The following PRSS23 variants were observed in gnomAD, a reference collection of about 807,000 sequenced individuals.
PRSS23 encodes protease, serine 23.
A neutral mutation model predicts 34.7 loss-of-function variants in PRSS23; 25 were observed. The ratio of observed to expected loss-of-function variants is 0.72; its 90% CI spans 0.53 to 1.01. The LOEUF (loss-of-function observed/expected upper bound fraction) is 1.01. Ranked by LOEUF, PRSS23 falls within the 50% of genes least tolerant of loss-of-function variation. The pLI is 0.00. For synonymous variants in PRSS23, 176 were observed against 186.6 expected, an observed-to-expected ratio of 0.94 and a Z score of 0.46; for missense variants, 445 against 475.6, an observed-to-expected ratio of 0.94 and a Z score of 0.60.
At chr11:86,845,150 G>C (rs1948477324) in intron 2 of PRSS23, among the ~76,000 whole-genome samples, 1 of 150,862 alleles carries the variant, frequency 6.6e-6, no homozygotes, top group South Asian at 2.1e-4. Flanking sequence ...CAATTTTTGT[G>C]AACCAAGGAA....
rs535191620 is a variant in PRSS23 at position 86,854,910 on chromosome 11, T to C, written c.206+31317T>C. 4.7e-4 allele frequency among the ~76,000 whole-genome samples: 71 copies of C among 152,266 alleles called. 1 individual carries two copies. In the South Asian group the frequency reaches 0.013, roughly 28 times the overall value. On this transcript the variant is annotated intron_variant, in intron 2 of 2. Coordinates refer to the PRSS23 transcript ENST00000533902. ...GGCCAGGTGCGGTTGCTCACGCCTG[T>C]AATCCCAGCACTTTGAGAGGCCGAG...
In PRSS23 at chr11:86,825,664, G is replaced by A. The variant is rs1233098369; in HGVS notation, c.206+2071G>A. ...TCTTGAATTGATTTTTGTATAAGGT[G>A]TAAGGAAGGGATCCAGTTTCAGCTT... On this transcript the variant is annotated intron_variant, in intron 2 of 2. Coordinates refer to the PRSS23 transcript ENST00000533902. Among the ~76,000 whole-genome samples the A allele has an allele frequency of 3.6e-4, 55 of 151,816 alleles. 1 individual carries two copies. Among genetic ancestry groups the A allele is most frequent in the Non-Finnish European group, 1.5e-5 (1 of 67,952 alleles).
intron 2 of PRSS23, among the ~76,000 whole-genome samples, chr11:86,899,814 C>A (rs1178471936): frequency 2.0e-5 from 3 of 149,092 alleles, no homozygotes; most frequent in Non-Finnish European, 4.4e-5. Flanking sequence ...CCAAGTCCGG[C>A]CGCGAGACCC....
intron 2 of PRSS23, among the ~76,000 whole-genome samples, chr11:86,889,412 A>G (rs1948826452): frequency 6.6e-6 from 1 of 152,206 alleles, no homozygotes; most frequent in South Asian, 2.1e-4. Flanking sequence ...GTCCAAAATC[A>G]AGGCATTAGC....
chr11:86,873,254 A>ATG (rs1405840552), intron 2 of PRSS23, among the ~76,000 whole-genome samples: 1,382 of 104,538 alleles, frequency 0.013, 30 homozygotes, highest in African/African-American at 0.059. Flanking sequence ...ACACATATAT[A>ATG]TGTATATATA....
intron 2 of PRSS23, among the ~76,000 whole-genome samples, chr11:86,876,409 C>T (rs754002260): frequency 1.2e-4 from 18 of 152,202 alleles, no homozygotes; most frequent in Non-Finnish European, 1.9e-4. Context: ...CCATTATTGC[C>T]TCAGTTTCCT....
At chr11:86,886,770 C>T (rs1462285791) in intron 2 of PRSS23, among the ~76,000 whole-genome samples, 2 of 152,060 alleles carry the variant, frequency 1.3e-5, no homozygotes, top group African/African-American at 4.8e-5. Context: ...AAAACCCCAT[C>T]TTTACTAAAA....
rs1344504714 is a variant in PRSS23, at chr11:86,882,951, C to T, written c.206+59358C>T. Among the ~76,000 whole-genome samples the T allele has an allele frequency of 2.0e-5, 3 of 152,174 alleles. No homozygotes were observed. The East Asian group carries it at 5.8e-4, about 29-fold the overall frequency. Reference sequence around the variant, plus strand: ...TTTTGGTTTGCATTTCTCCAAGGGTCAGTGATGTTCAGCTTTTTTTCATAC... The same window carrying T: ...TTTTGGTTTGCATTTCTCCAAGGGTTAGTGATGTTCAGCTTTTTTTCATAC... On this transcript the variant is annotated intron_variant, in intron 2 of 2. Transcript: ENST00000533902.
intron 2 of PRSS23, among the ~76,000 whole-genome samples, chr11:86,886,006 C>T (rs1391455810): frequency 6.6e-6 from 1 of 152,180 alleles, no homozygotes; most frequent in Non-Finnish European, 1.5e-5. Context: ...TAGCAGGTAA[C>T]ATTTAGGAAG....
intron 2 of PRSS23, among the ~76,000 whole-genome samples, chr11:86,826,976 C>T (rs1178015260): frequency 1.3e-5 from 2 of 151,888 alleles, no homozygotes; most frequent in Middle Eastern, 3.2e-3. Context: ...TGTCTCTGCC[C>T]AGCTTTGGTA....
At chr11:86,833,440 G>T in intron 2 of PRSS23, 1 of 534,308 alleles carries the variant, frequency 1.9e-6, no homozygotes, top group South Asian at 1.7e-5. Context: ...TGAAGCATCT[G>T]TTAGATTCTG....
chr11:86,839,194 C>T (rs1363458103), intron 2 of PRSS23, among the ~76,000 whole-genome samples: 1 of 152,134 alleles, frequency 6.6e-6, no homozygotes, highest in Admixed American at 6.5e-5. Context: ...TAACGAACTT[C>T]TCTGAGCTAA....
At chr11:86,836,921 T>C (rs1025996743) in intron 2 of PRSS23, 2 of 152,344 alleles carry the variant, frequency 1.3e-5, no homozygotes, top group African/African-American at 4.8e-5. Flanking sequence ...AATTCACAAG[T>C]AATGTTTTCA....
At position 86,821,369 on chromosome 11, in the gene PRSS23, A is replaced by G. The variant is rs1211380162; in HGVS notation, c.-11-2008A>G. The stretch of plus-strand genomic sequence containing the variant: ...AAGGTATAGTGATCCTAGTTTTGCT[A>G]CGGATTACTTCTTTATGCTAACCCT... On this transcript the variant is annotated intron_variant, in intron 1 of 2. Transcript: ENST00000533902. The G allele has an allele frequency of 5.0e-6, 5 of 993,350 alleles. No homozygotes were observed. In the African/African-American group the frequency reaches 6.4e-5, roughly 13 times the overall value. 61.5% of individuals were successfully genotyped at this position (993,350 alleles called of 1,614,324 possible).
At chr11:86,841,690 G>T (rs1268502931) in intron 2 of PRSS23, among the ~76,000 whole-genome samples, 1 of 152,238 alleles carries the variant, frequency 6.6e-6, no homozygotes, top group Non-Finnish European at 1.5e-5. Context: ...AGAAGAAATG[G>T]ATATATTCCT....
chr11:86,812,308 C>A (rs527479625), downstream of PRSS23, among the ~76,000 whole-genome samples: 20 of 152,256 alleles, frequency 1.3e-4, no homozygotes, highest in South Asian at 3.5e-3. Flanking sequence ...GTGATACCTT[C>A]TTTGCCTGGC....
At chr11:86,952,435 T>C in exon 3 of PRSS23, 3 of 1,613,946 alleles carry the variant, frequency 1.9e-6, no homozygotes, top group Non-Finnish European at 2.5e-6. Flanking sequence ...TGATCTTCTC[T>C]GTGCACATTG....
intron 2 of PRSS23, among the ~76,000 whole-genome samples, chr11:86,876,607 T>TGCAGA (rs1344563564): frequency 6.6e-6 from 1 of 152,134 alleles, no homozygotes; most frequent in East Asian, 1.9e-4. Flanking sequence ...TGGTTAGAAA[T>TGCAGA]GCAGACTCTT....
At chr11:86,867,002 A>G (rs1302274351) in intron 2 of PRSS23, among the ~76,000 whole-genome samples, 1 of 152,216 alleles carries the variant, frequency 6.6e-6, no homozygotes, top group Non-Finnish European at 1.5e-5. Flanking sequence ...AGCTTCAGGT[A>G]TTCCTTTATA....
Sources: allele counts gnomAD v4.1 joint callset (sites outside exome capture counted in the v4.1 genomes callset), GRCh38; gene constraint gnomAD v4.1.1; transcripts MANE v1.5; gene names NCBI Gene and HGNC (gene_info 2026-07-23, HGNC 2026-07-21).